The following RAP1GAP2 variants were observed in gnomAD, a reference collection of about 807,000 sequenced individuals.
RAP1GAP2 encodes the protein RAP1 GTPase activating protein 2.
Under a neutral mutation model 95.0 loss-of-function variants are expected in RAP1GAP2, and 27 were observed. The ratio of observed to expected loss-of-function variants is 0.28; its 90% CI spans 0.21 to 0.39. RAP1GAP2 has a LOEUF of 0.39. Among genes scored for constraint, RAP1GAP2 ranks in the 10% least tolerant of loss-of-function variants. The pLI, the probability that RAP1GAP2 is intolerant of heterozygous loss-of-function variation, is 1.00. For synonymous variants in RAP1GAP2, 373 were observed against 380.9 expected, an observed-to-expected ratio of 0.98 and a Z score of 0.24; for missense variants, 771 against 970.0, an observed-to-expected ratio of 0.79 and a Z score of 2.72.
chr17:2,935,273 C>T (rs539723149), intron 3 of RAP1GAP2, among the ~76,000 whole-genome samples: 24 of 152,206 alleles, frequency 1.6e-4, no homozygotes, highest in East Asian at 1.2e-3. Context: ...TCTGGGAGGC[C>T]GCAGCAGGTG....
At chr17:2,970,243 C>T (rs886465054) in intron 8 of RAP1GAP2, among the ~76,000 whole-genome samples, 3 of 134,020 alleles carry the variant, frequency 2.2e-5, no homozygotes, top group African/African-American at 5.4e-5. Flanking sequence ...CACTGCACTT[C>T]GGCCTGGGCG....
Position 3,018,192 on chromosome 17 carries a change from C to T in RAP1GAP2, c.1626C>T (p.Thr542=). The change falls in exon 18 of 25, where the codon ACC becomes ACT. Residue 542 remains threonine (T), a synonymous_variant. Coordinates refer to ENST00000254695, the MANE Select transcript of RAP1GAP2 (RefSeq NM_015085.5). The stretch of plus-strand genomic sequence containing the variant: ...ACAGCATGGAGGTCACCAAGACCAC[C>T]TTCTCGGTGAGTGCTGGCAGGCCCC... ...SHNSMEVTKT[T]FSPPVVAATV... 1.9e-6 allele frequency: 3 copies of T among 1,568,714 alleles called. No individual in the cohort carries two copies. The highest frequency in any genetic ancestry group is 2.6e-6 in the Non-Finnish European group (3 of 1,157,806).
intron 3 of RAP1GAP2, among the ~76,000 whole-genome samples, chr17:2,927,951 G>A (rs1162024482): frequency 1.3e-5 from 2 of 152,192 alleles, no homozygotes; most frequent in East Asian, 3.9e-4. Flanking sequence ...GAAGGGCAGG[G>A]ATGGAATATG....
intron 2 of RAP1GAP2, among the ~76,000 whole-genome samples, chr17:2,858,070 A>C (rs1157723649): frequency 6.6e-6 from 1 of 152,206 alleles, no homozygotes; most frequent in Non-Finnish European, 1.5e-5. Context: ...ACTGCACTCT[A>C]GCCTGGGCAA....
chr17:2,845,892 A>G (rs929168214), intron 2 of RAP1GAP2, among the ~76,000 whole-genome samples: 2 of 149,758 alleles, frequency 1.3e-5, no homozygotes, highest in African/African-American at 4.9e-5. Flanking sequence ...ATAAAATAAA[A>G]TTTCTTATCA....
rs1262743441 is a variant in RAP1GAP2 at position 2,964,185 on chromosome 17, G to A, written c.492+117G>A. The A allele has an allele frequency of 7.1e-6, 7 of 979,932 alleles. No homozygotes were observed. The South Asian group carries it at 1.2e-4, about 16-fold the overall frequency. 60.7% of individuals were successfully genotyped at this position (979,932 alleles called of 1,614,324 possible). A position where few individuals can be genotyped will look rare whatever the true frequency, so the allele number is the denominator to read the frequency against. ...AGGTTGAGGGAGGCTGTGGGAGGCT[G>A]TGGGAGAGGAGCTGCCAGGGGTGGG... On this transcript the variant is annotated intron_variant, in intron 7 of 24. Coordinates refer to ENST00000254695, the MANE Select transcript of RAP1GAP2 (RefSeq NM_015085.5).
chr17:3,024,786 A>T (rs568447456), intron 19 of RAP1GAP2, among the ~76,000 whole-genome samples: 15 of 152,378 alleles, frequency 9.8e-5, no homozygotes, highest in South Asian at 6.2e-4. Context: ...TGAAAACATT[A>T]TGTTAAGAAG....
chr17:2,779,584 C>T (rs540553616), intron 1 of RAP1GAP2, among the ~76,000 whole-genome samples: 62 of 152,104 alleles, frequency 4.1e-4, no homozygotes, highest in Non-Finnish European at 7.6e-4. Context: ...CTGGGCTGGC[C>T]GCTCAGATAT....
upstream of RAP1GAP2, among the ~76,000 whole-genome samples, chr17:2,773,270 C>T (rs1470284486): frequency 2.6e-5 from 4 of 152,156 alleles, no homozygotes; most frequent in African/African-American, 7.2e-5. Context: ...AAGACGTGGA[C>T]GATCCGCATC....
chr17:3,012,928 G>A (rs1328438721), intron 17 of RAP1GAP2, among the ~76,000 whole-genome samples: 7 of 152,318 alleles, frequency 4.6e-5, no homozygotes, highest in South Asian at 4.1e-4. Context: ...TTGCTGTACC[G>A]ACGTCAGATG....
chr17:2,844,003 CT>C (rs1468703093), intron 2 of RAP1GAP2, among the ~76,000 whole-genome samples: 2 of 151,634 alleles, frequency 1.3e-5, no homozygotes, highest in African/African-American at 4.8e-5. Context: ...GGCCGGCGCG[CT>C]TTTTTTTATT....
intron 3 of RAP1GAP2, among the ~76,000 whole-genome samples, chr17:2,949,499 A>C (rs1431021752): frequency 6.6e-6 from 1 of 150,902 alleles, no homozygotes; most frequent in Non-Finnish European, 1.5e-5. Flanking sequence ...CCTGAGCATT[A>C]ACTGAGTGCC....
chr17:2,971,646 T>G (rs576317320), intron 8 of RAP1GAP2, among the ~76,000 whole-genome samples: 1 of 152,310 alleles, frequency 6.6e-6, no homozygotes, highest in African/African-American at 2.4e-5. Flanking sequence ...TGTTAGCAAC[T>G]TCTCTGTGTC....
At position 2,871,227 on chromosome 17, in the gene RAP1GAP2, A is replaced by AT. The variant is rs2072831708; in HGVS notation, c.81-34055dup. ...CACCTCGGCCTCCCACAGTGCTGGG[A>AT]TTACAGGCATGAGCCACTGCGCCCA... On this transcript the variant is annotated intron_variant, in intron 2 of 24. Coordinates refer to ENST00000254695, the MANE Select transcript of RAP1GAP2 (RefSeq NM_015085.5). The surrounding 1 kb of genome is among the most constrained non-coding windows in gnomAD (Gnocchi z 5.0). Among the ~76,000 whole-genome samples, 1 of 152,190 alleles carries AT rather than the reference A, an allele frequency of 6.6e-6. No homozygotes were observed. The highest frequency in any genetic ancestry group is 6.5e-5 in the Admixed American group (1 of 15,276).
Position 3,026,090 on chromosome 17 carries a change from A to G in RAP1GAP2, c.1834A>G (p.Ser612Gly). The change falls in exon 20 of 25, where the codon AGC becomes GGC. Residue 612 changes from serine to glycine, a missense_variant. Physicochemically the swap from Ser to Gly is moderately conservative, Grantham distance 56 (BLOSUM62 0). Coordinates refer to ENST00000254695, the MANE Select transcript of RAP1GAP2 (RefSeq NM_015085.5). ...AAAGTCTGAGACCTCATCCAATCCCAGCTCTCCGGAAATCTGCCCCAACAA... is the reference window on the plus strand; with the variant it reads ...AAAGTCTGAGACCTCATCCAATCCCGGCTCTCCGGAAATCTGCCCCAACAA... Reference protein sequence around the residue: ...EIKSETSSNPSSPEICPNKEK... With the variant: ...EIKSETSSNPGSPEICPNKEK... The G allele has an allele frequency of 6.2e-7, 1 of 1,613,150 alleles. No individual in the cohort carries two copies. The highest frequency in any genetic ancestry group is 8.5e-7 in the Non-Finnish European group (1 of 1,179,194).
chr17:2,796,671 T>C lies in RAP1GAP2; in HGVS notation c.44+100T>C. The C allele has an allele frequency of 2.9e-6, 4 of 1,375,306 alleles. No homozygotes were observed. Among genetic ancestry groups the C allele is most frequent in the Non-Finnish European group, 4.0e-6 (4 of 987,676 alleles). The allele number at this position is 1,375,306 out of a possible 1,614,324, so 85.2% of individuals were successfully genotyped here. ...GCCGTGGGAACAGAGGGGCTCGGGCTGTGCCTGAGAGCTGGGTCTGCTGAC... is the reference window on the plus strand; with the variant it reads ...GCCGTGGGAACAGAGGGGCTCGGGCCGTGCCTGAGAGCTGGGTCTGCTGAC... On this transcript the variant is annotated intron_variant, in intron 1 of 24. Transcript: ENST00000254695. This position sits in a 1 kb window ranked among gnomAD's most constrained non-coding sequence, Gnocchi z 4.7.
In RAP1GAP2 at chr17:2,765,691, T is replaced by C. The variant is rs531090537; in HGVS notation, c.51-4638T>C. Among the ~76,000 whole-genome samples the C allele has an allele frequency of 2.7e-5, 4 of 149,306 alleles. No homozygotes were observed. In the East Asian group the frequency reaches 7.9e-4, roughly 29 times the overall value. ...CCAGAAGGCAGAGCTTGCAGTGAGCTGAGATCGCGCCACTGCACCCCAGAC... is the reference window on the plus strand; with the variant it reads ...CCAGAAGGCAGAGCTTGCAGTGAGCCGAGATCGCGCCACTGCACCCCAGAC... On this transcript the variant is annotated intron_variant, in intron 1 of 25. Transcript: ENST00000637138.
At chr17:2,860,298 C>T (rs1319324810) in intron 2 of RAP1GAP2, among the ~76,000 whole-genome samples, 4 of 152,160 alleles carry the variant, frequency 2.6e-5, no homozygotes, top group Non-Finnish European at 4.4e-5. Context: ...GAATGACACC[C>T]GGTGGGCTGT....
intron 3 of RAP1GAP2, among the ~76,000 whole-genome samples, chr17:2,946,038 G>C (rs2043686615): frequency 6.6e-6 from 1 of 152,064 alleles, no homozygotes; most frequent in Admixed American, 6.5e-5. Flanking sequence ...TGATCCTCCT[G>C]CCTCAGCCTC....
Sources: allele counts gnomAD v4.1 joint callset (sites outside exome capture counted in the v4.1 genomes callset), GRCh38; gene constraint gnomAD v4.1.1; non-coding constraint Gnocchi (gnomAD v3.1); transcripts MANE v1.5; gene names NCBI Gene and HGNC (gene_info 2026-07-23, HGNC 2026-07-21).